The following GPC6 variants were observed in gnomAD, a reference collection of about 807,000 sequenced individuals.
GPC6 encodes glypican-6.
Under a neutral mutation model 55.2 loss-of-function variants are expected in GPC6, and 14 were observed. The observed-to-expected ratio is 0.25, with a 90% CI of 0.17 to 0.40. The LOEUF is 0.40. GPC6 is among the 10% of genes least tolerant of loss of function. GPC6 has a pLI of 1.00. For synonymous variants in GPC6, 278 were observed against 259.6 expected (o/e 1.07, Z -0.68); for missense variants, 641 against 708.5 (o/e 0.90, Z 1.08).
chr13:93,780,240 G>T (rs1349805509), intron 2 of GPC6, among the ~76,000 whole-genome samples: 2 of 151,350 alleles, frequency 1.3e-5, no homozygotes, highest in Non-Finnish European at 2.9e-5. Context: ...ATGTGTATTA[G>T]ATTCATTTAT....
chr13:93,910,242 A>G (rs138656023), intron 3 of GPC6, among the ~76,000 whole-genome samples: 2 of 152,200 alleles, frequency 1.3e-5, no homozygotes, highest in African/African-American at 4.8e-5. Context: ...ATAGTGAATA[A>G]GTCTCACAAT....
At chr13:93,242,035 G>T (rs1354780083) in intron 1 of GPC6, among the ~76,000 whole-genome samples, 1 of 152,186 alleles carries the variant, frequency 6.6e-6, no homozygotes, top group Non-Finnish European at 1.5e-5. Context: ...TGCTGGAATG[G>T]CAGAGGTCTC....
intron 2 of GPC6, among the ~76,000 whole-genome samples, chr13:93,756,562 G>T (rs1038596626): frequency 1.3e-5 from 2 of 152,082 alleles, no homozygotes; most frequent in African/African-American, 4.8e-5. Flanking sequence ...TGGATACTGG[G>T]GTGTTATGTT....
chr13:94,049,255 A>AC, intron 4 of GPC6, among the ~76,000 whole-genome samples: 1 of 151,318 alleles, frequency 6.6e-6, no homozygotes, highest in East Asian at 2.0e-4. Context: ...TCTCAAAAAA[A>AC]AAAAAAAAGA....
At chr13:93,901,327 A>G (rs1260505194) in intron 3 of GPC6, among the ~76,000 whole-genome samples, 3 of 151,300 alleles carry the variant, frequency 2.0e-5, no homozygotes, top group Non-Finnish European at 1.5e-5. Flanking sequence ...CTTCATCTGG[A>G]TATTTACAAG....
intron 2 of GPC6, among the ~76,000 whole-genome samples, chr13:93,667,866 T>G (rs2139622275): frequency 6.6e-6 from 1 of 152,030 alleles, no homozygotes; most frequent in African/African-American, 2.4e-5. Flanking sequence ...ACGGCTTGAG[T>G]TAGAACTTGA....
In GPC6 at chr13:94,330,875, T is replaced by C. The variant is rs115587109; in HGVS notation, c.1152+24752T>C. On this transcript the variant is annotated intron_variant, in intron 6 of 8. Transcript: ENST00000377047. ...AGATCTAGTGGGTTTGTTGGGTTGA[T>C]TGCTGTCCTTTTATGTGGTTTTCTT... 5.4e-3 allele frequency among the ~76,000 whole-genome samples: 829 copies of C among 152,174 alleles called. 18 individuals carry two copies. Among genetic ancestry groups the C allele is most frequent in the African/African-American group, 0.019 (782 of 41,508 alleles).
At chr13:94,139,221 A>G (rs1310987773) in intron 4 of GPC6, among the ~76,000 whole-genome samples, 2 of 152,204 alleles carry the variant, frequency 1.3e-5, no homozygotes, top group Non-Finnish European at 2.9e-5. Flanking sequence ...TATGCAGCCA[A>G]CAATGGTATT....
intron 1 of GPC6, among the ~76,000 whole-genome samples, chr13:93,287,164 C>A (rs961802886): frequency 1.3e-5 from 2 of 152,008 alleles, no homozygotes; most frequent in East Asian, 3.9e-4. Flanking sequence ...TGTCTGAAAC[C>A]TTGGGTCCAC....
At chr13:93,752,692 T>C (rs1442283330) in intron 2 of GPC6, among the ~76,000 whole-genome samples, 2 of 152,110 alleles carry the variant, frequency 1.3e-5, no homozygotes, top group African/African-American at 4.8e-5. Context: ...CAGAAACGTG[T>C]TCTCTGCTGT....
At chr13:93,532,165 A>G (rs1421946488) in intron 1 of GPC6, among the ~76,000 whole-genome samples, 1 of 152,212 alleles carries the variant, frequency 6.6e-6, no homozygotes, top group East Asian at 1.9e-4. Context: ...AAATGCTCCC[A>G]TGTTTTGTCG....
At chr13:94,003,444 C>T (rs1881893969) in intron 3 of GPC6, among the ~76,000 whole-genome samples, 1 of 152,040 alleles carries the variant, frequency 6.6e-6, no homozygotes, top group African/African-American at 2.4e-5. Context: ...CTGCTCTTAG[C>T]AAATAATTAA....
At chr13:93,478,955 A>C (rs1429791157) in intron 1 of GPC6, among the ~76,000 whole-genome samples, 1 of 152,216 alleles carries the variant, frequency 6.6e-6, no homozygotes, top group Non-Finnish European at 1.5e-5. Context: ...GTAGCTGGCT[A>C]CATGGGTGTA....
chr13:93,793,738 A>G (rs1886117772), intron 2 of GPC6, among the ~76,000 whole-genome samples: 1 of 152,236 alleles, frequency 6.6e-6, no homozygotes, highest in Admixed American at 6.5e-5. Context: ...AAATAAAAAG[A>G]TATTAATATC....
At chr13:94,118,219 C>T (rs1566428648) in intron 4 of GPC6, among the ~76,000 whole-genome samples, 1 of 152,030 alleles carries the variant, frequency 6.6e-6, no homozygotes, top group Non-Finnish European at 1.5e-5. Context: ...GGGGCAGTTT[C>T]CACATGCTGC....
At chr13:94,112,229 GTTTCT>G (rs1474093523) in intron 4 of GPC6, among the ~76,000 whole-genome samples, 144 of 152,252 alleles carry the variant, frequency 9.5e-4, no homozygotes, top group Middle Eastern at 3.4e-3. Context: ...AATTTAGTAA[GTTTCT>G]ACTCAAAATG....
chr13:93,224,263 C>T (rs1488975659), upstream of GPC6, among the ~76,000 whole-genome samples: 2 of 149,596 alleles, frequency 1.3e-5, no homozygotes, highest in Non-Finnish European at 3.0e-5. Flanking sequence ...GGCACGATCT[C>T]GCCTCACCGC....
chr13:93,988,689 T>C (rs1486047244), intron 3 of GPC6, among the ~76,000 whole-genome samples: 2 of 152,086 alleles, frequency 1.3e-5, no homozygotes, highest in Non-Finnish European at 2.9e-5. Context: ...ATCCCCACCC[T>C]CATGACCTAA....
At chr13:93,409,358 A>T (rs1876410947) in intron 1 of GPC6, among the ~76,000 whole-genome samples, 1 of 152,144 alleles carries the variant, frequency 6.6e-6, no homozygotes, top group African/African-American at 2.4e-5. Flanking sequence ...AACAGAAAGA[A>T]AATAGTACTT....
Sources: allele counts gnomAD v4.1 joint callset (sites outside exome capture counted in the v4.1 genomes callset), GRCh38; gene constraint gnomAD v4.1.1; transcripts MANE v1.5; gene names NCBI Gene and HGNC (gene_info 2026-07-23, HGNC 2026-07-21).